Variants in TGFBR3 observed in about 807,000 individuals in gnomAD.
TGFBR3 encodes transforming growth factor beta receptor 3, also known as transforming growth factor beta receptor type 3.
In TGFBR3, 46 loss-of-function variants were observed where a neutral mutation model predicts 87.9. The ratio of observed to expected loss-of-function variants is 0.52; its 90% CI spans 0.41 to 0.67. The LOEUF (loss-of-function observed/expected upper bound fraction) is 0.67, where lower values mean the gene tolerates loss of function less well. Among genes scored for constraint, TGFBR3 ranks in the 30% least tolerant of loss-of-function variants. The pLI, the probability that TGFBR3 is intolerant of heterozygous loss-of-function variation, is 0.00. For missense variants in TGFBR3, 866 were observed against 1,041.9 expected (o/e 0.83, Z 2.32); for synonymous variants, 381 against 391.6 (o/e 0.97, Z 0.32).
chr1:91,728,974 G>C (rs1672646753), intron 6 of TGFBR3, among the ~76,000 whole-genome samples: 2 of 151,702 alleles, frequency 1.3e-5, no homozygotes. Flanking sequence ...GCGCACAAGG[G>C]AGAGGCAAGT....
intron 3 of TGFBR3, among the ~76,000 whole-genome samples, chr1:91,794,100 A>T (rs776719644): frequency 3.9e-5 from 6 of 152,176 alleles, no homozygotes; most frequent in Non-Finnish European, 8.8e-5. Flanking sequence ...TACAATTCCC[A>T]TACCATAAAA....
intron 3 of TGFBR3, among the ~76,000 whole-genome samples, chr1:91,771,345 C>T (rs1674369953): frequency 6.6e-6 from 1 of 152,052 alleles, no homozygotes; most frequent in Non-Finnish European, 1.5e-5. Flanking sequence ...GAATTAAAAA[C>T]ATGATTTCAT....
intron 3 of TGFBR3, among the ~76,000 whole-genome samples, chr1:91,789,454 C>T (rs1055821978): frequency 4.6e-5 from 7 of 152,286 alleles, no homozygotes; most frequent in Admixed American, 1.3e-4. Flanking sequence ...GTCCCTCTGC[C>T]GGGGCAGGGG....
intron 9 of TGFBR3, 108 bp downstream of exon 9, chr1:91,719,785 C>A (rs1274749646): frequency 3.2e-6 from 4 of 1,251,004 alleles, no homozygotes; most frequent in Non-Finnish European, 4.7e-6. Flanking sequence ...CAGTATCAAG[C>A]CTCCGGAGTT....
At chr1:91,873,530 G>A (rs1484619468) in intron 1 of TGFBR3, among the ~76,000 whole-genome samples, 2 of 151,678 alleles carry the variant, frequency 1.3e-5, no homozygotes, top group Non-Finnish European at 2.9e-5. Flanking sequence ...CAAGTGACAG[G>A]AGTCCTCGAG....
intron 5 of TGFBR3, among the ~76,000 whole-genome samples, chr1:91,730,590 T>C (rs372653755): frequency 6.6e-6 from 1 of 152,200 alleles, no homozygotes; most frequent in Non-Finnish European, 1.5e-5. Flanking sequence ...ATGTATTTCA[T>C]GGTCAGCGTA....
chr1:91,777,506 C>A (rs549782363), intron 3 of TGFBR3, among the ~76,000 whole-genome samples: 1 of 152,204 alleles, frequency 6.6e-6, no homozygotes, highest in East Asian at 1.9e-4. Flanking sequence ...TTTCCAATTT[C>A]TCACCTCCAA....
At chr1:91,850,290 G>A (rs762438749) in intron 2 of TGFBR3, among the ~76,000 whole-genome samples, 31 of 152,220 alleles carry the variant, frequency 2.0e-4, no homozygotes, top group Non-Finnish European at 3.2e-4. Flanking sequence ...AAAATAAGTG[G>A]TTCTGTCCTC....
intron 2 of TGFBR3, among the ~76,000 whole-genome samples, chr1:91,824,599 C>T (rs1676563603): frequency 1.3e-5 from 2 of 152,138 alleles, no homozygotes; most frequent in African/African-American, 4.8e-5. Context: ...TTCAAAATGA[C>T]AGATAATAAT....
chr1:91,864,053 A>G (rs1333092486), intron 1 of TGFBR3: 1 of 152,232 alleles, frequency 6.6e-6, no homozygotes, highest in Non-Finnish European at 1.5e-5. Flanking sequence ...CTCTGAAACA[A>G]TATGCTATTT....
chr1:91,894,053 C>T (rs1679500829), intron 2 of TGFBR3, among the ~76,000 whole-genome samples: 1 of 151,994 alleles, frequency 6.6e-6, no homozygotes, highest in South Asian at 2.1e-4. Context: ...GTCTTCAATA[C>T]CTTCTTCTCC....
chr1:91,841,750 C>A (rs1239577838), intron 2 of TGFBR3, among the ~76,000 whole-genome samples: 9 of 141,636 alleles, frequency 6.4e-5, no homozygotes, highest in African/African-American at 2.4e-4. Flanking sequence ...GCTGAGATCA[C>A]GCCACTGCAC....
chr1:91,752,181 C>G (rs1465584247), intron 4 of TGFBR3, among the ~76,000 whole-genome samples: 4 of 152,074 alleles, frequency 2.6e-5, no homozygotes, highest in Non-Finnish European at 5.9e-5. Context: ...TACAGGACAC[C>G]CAGTTAAAGT....
chr1:91,779,286 T>C (rs1383427167), intron 3 of TGFBR3, among the ~76,000 whole-genome samples: 2 of 152,226 alleles, frequency 1.3e-5, no homozygotes, highest in Non-Finnish European at 2.9e-5. Context: ...CCACGCACTG[T>C]TCTAAGCACC....
rs181130908 is a variant in TGFBR3 at position 91,690,427 on chromosome 1, G to A, written c.2437+5245C>T. ...GGATTCGGCAAACATATATTAATAC[G>A]TATTTTGGCTCACCTGGGCTTCTTT... On this transcript the variant is annotated intron_variant, in intron 16 of 16. Coordinates refer to ENST00000212355, the MANE Select transcript of TGFBR3 (RefSeq NM_003243.5). Among the ~76,000 whole-genome samples the A allele has an allele frequency of 2.6e-5, 4 of 152,146 alleles. No individual in the cohort carries two copies. In the East Asian group the frequency reaches 7.7e-4, roughly 29 times the overall value.
At chr1:91,760,501 CAATA>C (rs1301050124) in intron 3 of TGFBR3, among the ~76,000 whole-genome samples, 4 of 152,074 alleles carry the variant, frequency 2.6e-5, no homozygotes, top group Non-Finnish European at 4.4e-5. Context: ...TAAACACACA[CAATA>C]AATATTGACT....
At chr1:91,723,565 GAAAGGATAT>G (rs1288766322) in intron 7 of TGFBR3, among the ~76,000 whole-genome samples, 1 of 151,192 alleles carries the variant, frequency 6.6e-6, no homozygotes, top group Non-Finnish European at 1.5e-5. Context: ...ATATTTTTGG[GAAAGGATAT>G]AAATGGACTC....
chr1:91,716,464 G>A, intron 11 of TGFBR3, 70 bp from the exon 12 acceptor site: 1 of 1,613,776 alleles, frequency 6.2e-7, no homozygotes, highest in East Asian at 2.2e-5. Context: ...AGCTTCATGA[G>A]CTTTGGCTTT....
At chr1:91,884,831 C>T (rs1679230681) in intron 1 of TGFBR3, among the ~76,000 whole-genome samples, 1 of 152,240 alleles carries the variant, frequency 6.6e-6, no homozygotes, top group African/African-American at 2.4e-5. Context: ...AAGAAACGGT[C>T]TTGACGTGTG....
Sources: allele counts gnomAD v4.1 joint callset (sites outside exome capture counted in the v4.1 genomes callset), GRCh38; gene constraint gnomAD v4.1.1; transcripts MANE v1.5; gene names NCBI Gene and HGNC (gene_info 2026-07-23, HGNC 2026-07-21).